Variants in KCNH7 observed in about 807,000 individuals in gnomAD.
The protein encoded by KCNH7 is voltage-gated inwardly rectifying potassium channel KCNH7.
In KCNH7, 49 loss-of-function variants were observed where a neutral mutation model predicts 120.8. The observed-to-expected ratio is 0.41, with a 90% CI of 0.32 to 0.51. KCNH7 has a LOEUF of 0.51. Ranked by LOEUF, KCNH7 falls within the 20% of genes least tolerant of loss-of-function variation. KCNH7 has a pLI of 0.38. For synonymous variants in KCNH7, 547 were observed against 516.1 expected (o/e 1.06, Z -0.81); for missense variants, 1,097 against 1,446.6 (o/e 0.76, Z 3.92).
At position 162,515,389 on chromosome 2, in the gene KCNH7, A is replaced by G. The variant is rs142949903; in HGVS notation, c.892+2341T>C. ...TTAAAAACAATGAAGTTAAATCAAGAAATCTAATCTAAACTACTCAGCACC... is the reference window on the plus strand; with the variant it reads ...TTAAAAACAATGAAGTTAAATCAAGGAATCTAATCTAAACTACTCAGCACC... On this transcript the variant is annotated intron_variant, in intron 4 of 15. Transcript: ENST00000332142. 3.6e-3 allele frequency among the ~76,000 whole-genome samples: 543 copies of G among 151,904 alleles called. 3 individuals are homozygous for G. Among genetic ancestry groups the G allele is most frequent in the African/African-American group, 0.013 (528 of 41,524 alleles).
At chr2:162,476,088 G>A (rs80281797) in intron 6 of KCNH7, among the ~76,000 whole-genome samples, 194 of 152,254 alleles carry the variant, frequency 1.3e-3, no homozygotes, top group African/African-American at 4.0e-3. Flanking sequence ...AGCCTTGTCC[G>A]GAACATTTAG....
At chr2:162,732,430 T>A (rs1284976582) in intron 2 of KCNH7, among the ~76,000 whole-genome samples, 1 of 152,140 alleles carries the variant, frequency 6.6e-6, no homozygotes, top group East Asian at 1.9e-4. Context: ...TATACTACCT[T>A]AGAGTTAGTA....
At chr2:162,662,219 C>T (rs539534560) in intron 2 of KCNH7, among the ~76,000 whole-genome samples, 60 of 152,016 alleles carry the variant, frequency 3.9e-4, no homozygotes, top group Non-Finnish European at 5.1e-4. Flanking sequence ...GCCACAATCG[C>T]GTCACTGTAC....
At chr2:162,435,128 A>G in intron 8 of KCNH7, 70 bp downstream of exon 8, 2 of 1,392,076 alleles carry the variant, frequency 1.4e-6, no homozygotes, top group Non-Finnish European at 2.0e-6. Context: ...CCTTACTCTA[A>G]ATATTGTAGA....
At chr2:162,724,489 G>A (rs1687444931) in intron 2 of KCNH7, among the ~76,000 whole-genome samples, 1 of 151,246 alleles carries the variant, frequency 6.6e-6, no homozygotes, top group African/African-American at 2.4e-5. Context: ...CGGCTAAAAA[G>A]GTGAAACCCC....
chr2:162,765,150 C>G (rs1462477808), intron 2 of KCNH7, among the ~76,000 whole-genome samples: 1 of 152,050 alleles, frequency 6.6e-6, no homozygotes, highest in Non-Finnish European at 1.5e-5. Context: ...CATAAACCTA[C>G]TCTTCAGGGA....
chr2:162,812,165 G>A (rs1183255527), intron 2 of KCNH7, among the ~76,000 whole-genome samples: 1 of 152,088 alleles, frequency 6.6e-6, no homozygotes, highest in Non-Finnish European at 1.5e-5. Flanking sequence ...CAGACTAGAG[G>A]TAATGTATGG....
intron 2 of KCNH7, among the ~76,000 whole-genome samples, chr2:162,577,373 C>CTATA (rs1451181937): frequency 3.7e-4 from 56 of 150,676 alleles, no homozygotes; most frequent in Admixed American, 1.1e-3. Context: ...ATCTATCTAT[C>CTATA]TATCTATCTA....
At chr2:162,375,858 C>T (rs1166867030) in intron 14 of KCNH7, among the ~76,000 whole-genome samples, 1 of 149,070 alleles carries the variant, frequency 6.7e-6, no homozygotes, top group East Asian at 2.0e-4. Context: ...CCACTGCACT[C>T]CAGCCTGGGT....
chr2:162,779,557 T>C (rs918827491), intron 2 of KCNH7, among the ~76,000 whole-genome samples: 4 of 152,164 alleles, frequency 2.6e-5, no homozygotes, highest in African/African-American at 4.8e-5. Flanking sequence ...CTCTTTCCTA[T>C]CCTGTAAGAG....
intron 9 of KCNH7, among the ~76,000 whole-genome samples, chr2:162,419,273 C>A (rs188962843): frequency 1.9e-3 from 178 of 95,352 alleles, no homozygotes; most frequent in African/African-American, 9.9e-3. Flanking sequence ...ATGTCCCAGG[C>A]TAAAAAAAAA....
At chr2:162,548,746 C>T (rs1421340882) in intron 2 of KCNH7, among the ~76,000 whole-genome samples, 1 of 152,170 alleles carries the variant, frequency 6.6e-6, no homozygotes, top group Non-Finnish European at 1.5e-5. Flanking sequence ...AGTTACTTAA[C>T]TGCTCTGACA....
intron 13 of KCNH7, among the ~76,000 whole-genome samples, chr2:162,382,957 C>T (rs1362120415): frequency 6.6e-6 from 1 of 151,686 alleles, no homozygotes; most frequent in Non-Finnish European, 1.5e-5. Context: ...AGAGATTGCC[C>T]TGTAAATTTT....
intron 2 of KCNH7, among the ~76,000 whole-genome samples, chr2:162,651,257 G>T (rs911194889): frequency 6.6e-6 from 1 of 152,180 alleles, no homozygotes; most frequent in African/African-American, 2.4e-5. Flanking sequence ...GTGAAGGTTT[G>T]CTACATAGGT....
intron 2 of KCNH7, among the ~76,000 whole-genome samples, chr2:162,781,250 TA>T (rs1013022215): frequency 6.6e-6 from 1 of 152,012 alleles, no homozygotes; most frequent in Non-Finnish European, 1.5e-5. Flanking sequence ...CTCATCCCCA[TA>T]AAAGCCTCAT....
At chr2:162,710,125 G>A (rs1032713062) in intron 2 of KCNH7, among the ~76,000 whole-genome samples, 8 of 152,086 alleles carry the variant, frequency 5.3e-5, no homozygotes, top group Non-Finnish European at 8.8e-5. Context: ...TGTTAAAATA[G>A]CTTTGCTCCA....
chr2:162,752,922 A>G (rs1419524668), intron 2 of KCNH7, among the ~76,000 whole-genome samples: 4 of 69,674 alleles, frequency 5.7e-5, no homozygotes, highest in African/African-American at 1.8e-4. Context: ...AGAAAAGAAA[A>G]GAAAAGAAAA....
chr2:162,429,383 CTTTTTTTT>C (rs60854157), intron 8 of KCNH7, among the ~76,000 whole-genome samples: 1 of 86,268 alleles, frequency 1.2e-5, no homozygotes. Flanking sequence ...AGGAAAAAGT[CTTTTTTTT>C]TTTTTTTTTT....
chr2:162,816,856 T>G (rs920274697), intron 2 of KCNH7, among the ~76,000 whole-genome samples: 1 of 152,188 alleles, frequency 6.6e-6, no homozygotes, highest in African/African-American at 2.4e-5. Context: ...GTTGAAAATT[T>G]TTTTTAAAAA....
Sources: allele counts gnomAD v4.1 joint callset (sites outside exome capture counted in the v4.1 genomes callset), GRCh38; gene constraint gnomAD v4.1.1; transcripts MANE v1.5; gene names NCBI Gene and HGNC (gene_info 2026-07-23, HGNC 2026-07-21).